The following PTPRD variants were observed in gnomAD, a reference collection of about 807,000 sequenced individuals.
The protein encoded by PTPRD is protein tyrosine phosphatase receptor type D, also known as receptor-type tyrosine-protein phosphatase delta.
Under a neutral mutation model 214.5 loss-of-function variants are expected in PTPRD, and 34 were observed. That is an observed-to-expected ratio of 0.16 (90% confidence interval 0.12 to 0.21). PTPRD has a LOEUF of 0.21. PTPRD is among the 10% of genes least tolerant of loss of function. The pLI, the probability that PTPRD is intolerant of heterozygous loss-of-function variation, is 1.00. For synonymous variants in PTPRD, 1,128 were observed against 845.7 expected, an observed-to-expected ratio of 1.33 and a Z score of -5.79; for missense variants, 2,545 against 2,398.7, an observed-to-expected ratio of 1.06 and a Z score of -1.27.
Position 9,067,527 on chromosome 9 carries a change from C to T in PTPRD, c.-142-48792G>A, listed in dbSNP as rs931235652. Among the ~76,000 whole-genome samples the T allele has an allele frequency of 2.0e-5, 3 of 152,170 alleles. No individual in the cohort carries two copies. In the East Asian group the frequency reaches 5.8e-4, roughly 29 times the overall value. On this transcript the variant is annotated intron_variant, in intron 10 of 45. Coordinates refer to ENST00000381196, the MANE Select transcript of PTPRD (RefSeq NM_002839.4). Reference sequence around the variant, plus strand: ...CTTCCTCTCAAGCTTTTCTCCTCCTCTTCTTGGCAGGTACTTATCTTCTAT... The same window carrying T: ...CTTCCTCTCAAGCTTTTCTCCTCCTTTTCTTGGCAGGTACTTATCTTCTAT...
intron 3 of PTPRD, among the ~76,000 whole-genome samples, chr9:10,204,769 T>C (rs539408646): frequency 3.9e-5 from 6 of 152,298 alleles, no homozygotes; most frequent in Non-Finnish European, 8.8e-5. Context: ...CTAATACATG[T>C]AATTTTATCA....
intron 3 of PTPRD, among the ~76,000 whole-genome samples, chr9:10,297,539 T>C (rs1198411721): frequency 6.6e-6 from 1 of 151,534 alleles, no homozygotes; most frequent in Non-Finnish European, 1.5e-5. Context: ...GTAACAGTGA[T>C]GCTTAGAGTT....
rs533704903 is a variant in PTPRD at position 9,428,884 on chromosome 9, T to C, written c.-236-31402A>G. Reference sequence around the variant, plus strand: ...AACAAAGACACAACATACAAGTATCTCTGGGACACATTTAAAGCAGTGTGT... The same window carrying C: ...AACAAAGACACAACATACAAGTATCCCTGGGACACATTTAAAGCAGTGTGT... On this transcript the variant is annotated intron_variant, in intron 8 of 45. Transcript: ENST00000381196. 7.2e-5 allele frequency among the ~76,000 whole-genome samples: 11 copies of C among 152,294 alleles called. No homozygotes were observed. In the East Asian group the frequency reaches 1.9e-3, roughly 27 times the overall value.
At chr9:9,928,798 T>C (rs2085300392) in intron 5 of PTPRD, among the ~76,000 whole-genome samples, 1 of 132,442 alleles carries the variant, frequency 7.6e-6, no homozygotes, top group Admixed American at 7.0e-5. Context: ...AATTTGCATT[T>C]TGGAAGAAAA....
At chr9:9,850,459 T>A (rs1420452324) in intron 5 of PTPRD, among the ~76,000 whole-genome samples, 1 of 152,094 alleles carries the variant, frequency 6.6e-6, no homozygotes. Context: ...TTAAGCAACA[T>A]TTTCTGGAGT....
Position 10,117,611 on chromosome 9 carries a change from C to T in PTPRD, c.-544-83821G>A, listed in dbSNP as rs1415083717. 4.8e-5 allele frequency among the ~76,000 whole-genome samples: 3 copies of T among 63,062 alleles called. No homozygotes were observed. The Admixed American group carries it at 4.9e-4, about 10-fold the overall frequency. The allele number at this position is 63,062 out of a possible 152,430, so 41.4% of individuals were successfully genotyped here. A position where few individuals can be genotyped will look rare whatever the true frequency, so the allele number is the denominator to read the frequency against. ...CTTCCCTGTATGGATTAAATCTCCCCGTTTTTTTTTTTTTCTTATAATAAT... is the reference window on the plus strand; with the variant it reads ...CTTCCCTGTATGGATTAAATCTCCCTGTTTTTTTTTTTTTCTTATAATAAT... On this transcript the variant is annotated intron_variant, in intron 3 of 45. Transcript: ENST00000381196.
intron 35 of PTPRD, among the ~76,000 whole-genome samples, chr9:8,420,803 C>A (rs1485351045): frequency 2.9e-4 from 32 of 111,470 alleles, no homozygotes; most frequent in African/African-American, 9.2e-4. Context: ...GATCATTTTT[C>A]TTTTTTTTTT....
Position 9,309,621 on chromosome 9 carries a change from A to T in PTPRD, c.-203+87828T>A, listed in dbSNP as rs545688525. On this transcript the variant is annotated intron_variant, in intron 9 of 45. Transcript: ENST00000381196. ...GCACATCAAAGAGAGACTCTAAAAG[A>T]ATACTAACCCACCATACACAGTATA... Among the ~76,000 whole-genome samples, 110 of 152,284 alleles carry T rather than the reference A, an allele frequency of 7.2e-4. 3 individuals are homozygous for T. In the South Asian group the frequency reaches 0.022, roughly 31 times the overall value.
intron 11 of PTPRD, among the ~76,000 whole-genome samples, chr9:9,003,046 G>C (rs752904175): frequency 6.6e-6 from 1 of 152,056 alleles, no homozygotes; most frequent in Non-Finnish European, 1.5e-5. Flanking sequence ...TGCCTGGAGA[G>C]CTGACTTATC....
intron 2 of PTPRD, among the ~76,000 whole-genome samples, chr9:10,496,504 G>T (rs959303450): frequency 6.6e-6 from 1 of 151,872 alleles, no homozygotes; most frequent in Non-Finnish European, 1.5e-5. Flanking sequence ...TTAAAAACCT[G>T]CTTTAAGTTC....
intron 8 of PTPRD, among the ~76,000 whole-genome samples, chr9:9,445,695 C>T (rs894579389): frequency 1.3e-5 from 2 of 152,044 alleles, no homozygotes; most frequent in African/African-American, 2.4e-5. Context: ...GGGGTAAATG[C>T]CCCCATGATT....
At chr9:8,505,252 A>G (rs1273751161) in intron 22 of PTPRD, among the ~76,000 whole-genome samples, 1 of 152,220 alleles carries the variant, frequency 6.6e-6, no homozygotes, top group Non-Finnish European at 1.5e-5. Context: ...GCAAGTGAAT[A>G]CATAATCTAG....
intron 8 of PTPRD, among the ~76,000 whole-genome samples, chr9:9,467,636 T>C (rs2094302360): frequency 7.2e-6 from 1 of 138,230 alleles, no homozygotes; most frequent in Non-Finnish European, 1.5e-5. Flanking sequence ...CCGCATCTCT[T>C]ATCTTTCATA....
chr9:9,122,046 C>G (rs762788460), intron 10 of PTPRD, among the ~76,000 whole-genome samples: 4 of 152,062 alleles, frequency 2.6e-5, no homozygotes, highest in African/African-American at 9.7e-5. Context: ...TCTACTCCAC[C>G]CATAAAAGGT....
intron 4 of PTPRD, among the ~76,000 whole-genome samples, chr9:9,955,617 A>G (rs911635797): frequency 2.7e-4 from 40 of 150,264 alleles, no homozygotes; most frequent in Admixed American, 5.3e-4. Flanking sequence ...TCCGCCTCCC[A>G]GGTTCACGCC....
intron 11 of PTPRD, among the ~76,000 whole-genome samples, chr9:8,918,753 G>C (rs772738372): frequency 6.6e-6 from 1 of 152,066 alleles, no homozygotes; most frequent in Non-Finnish European, 1.5e-5. Flanking sequence ...TTTCTATTCG[G>C]ATACTTTAAA....
At chr9:10,112,882 G>A (rs1285627407) in intron 3 of PTPRD, among the ~76,000 whole-genome samples, 1 of 152,182 alleles carries the variant, frequency 6.6e-6, no homozygotes, top group African/African-American at 2.4e-5. Flanking sequence ...GACTAGTATA[G>A]ACCAGTTCTC....
chr9:8,589,955 T>C (rs1049801660), intron 14 of PTPRD, among the ~76,000 whole-genome samples: 1 of 152,068 alleles, frequency 6.6e-6, no homozygotes, highest in Non-Finnish European at 1.5e-5. Context: ...ATAACAGAAA[T>C]TGCTTGCGTT....
intron 2 of PTPRD, among the ~76,000 whole-genome samples, chr9:10,469,158 G>A (rs1420811533): frequency 1.3e-5 from 2 of 151,846 alleles, no homozygotes; most frequent in Admixed American, 1.3e-4. Flanking sequence ...CAATCCAAAT[G>A]GAAGAAACAA....
Sources: gnomAD v4.1 joint callset for allele counts (sites outside exome capture counted in the v4.1 genomes callset) on GRCh38, gnomAD v4.1.1 for gene constraint, MANE v1.5 for transcripts, NCBI Gene and HGNC (gene_info 2026-07-23, HGNC 2026-07-21) for gene names.